Variants in HDAC4 observed in about 807,000 individuals in gnomAD.
HDAC4 encodes the protein histone deacetylase A.
A neutral mutation model predicts 135.1 loss-of-function variants in HDAC4; 16 were observed. That is an observed-to-expected ratio of 0.12 (90% confidence interval 0.08 to 0.18). HDAC4 has a LOEUF of 0.18. HDAC4 is among the 10% of genes least tolerant of loss of function. The pLI, the probability that HDAC4 is intolerant of heterozygous loss-of-function variation, is 1.00. For synonymous variants in HDAC4, 685 were observed against 653.4 expected (o/e 1.05, Z -0.74); for missense variants, 1,143 against 1,511.8 (o/e 0.76, Z 4.05).
At chr2:239,218,804 C>T (rs1313340172) in intron 3 of HDAC4, among the ~76,000 whole-genome samples, 45 of 145,554 alleles carry the variant, frequency 3.1e-4, no homozygotes, top group South Asian at 9.0e-4. Flanking sequence ...AAAAAGTGGG[C>T]GAAGGACATG....
rs1234733450 is a variant in HDAC4, at chr2:239,309,916, TG to T, written c.22+42761del. Among the ~76,000 whole-genome samples, 2 of 152,110 alleles carry T rather than the reference TG, an allele frequency of 1.3e-5. No individual in the cohort carries two copies. Among genetic ancestry groups the T allele is most frequent in the African/African-American group, 2.4e-5 (1 of 41,432 alleles). ...CCTCCCATGCTGCTGCCTGGTCCCA[TG>T]GGGCATGAAGGGAGGGTGGCCAGGG... is the stretch of plus-strand genomic sequence containing the variant. On this transcript the variant is annotated intron_variant, in intron 2 of 26. Transcript: ENST00000543185. This position sits in a 1 kb window ranked among gnomAD's most constrained non-coding sequence, Gnocchi z 4.2.
chr2:239,232,522 G>A (rs931306598), intron 3 of HDAC4, among the ~76,000 whole-genome samples: 1 of 151,344 alleles, frequency 6.6e-6, no homozygotes, highest in Non-Finnish European at 1.5e-5. Flanking sequence ...CTGCCTCGGT[G>A]TCAAGTCTCC....
rs369155098 is a variant in HDAC4 at position 239,087,526 on chromosome 2, C to T, written c.2444+33G>A. Reference sequence around the variant, plus strand: ...AAGGGAGGGAAGGAAGACCTGGGTTCCCCTGCTGTGCGGGGCTGCGGCGTG... The same window carrying T: ...AAGGGAGGGAAGGAAGACCTGGGTTTCCCTGCTGTGCGGGGCTGCGGCGTG... On this transcript the variant is annotated intron_variant, in intron 19 of 26. Transcript: ENST00000543185. 12 of 1,605,846 alleles carry T rather than the reference C, an allele frequency of 7.5e-6. No homozygotes were observed. The African/African-American group carries it at 1.6e-4, about 21-fold the overall frequency.
chr2:239,392,142 C>T (rs778411254), intron 1 of HDAC4, among the ~76,000 whole-genome samples: 36 of 152,334 alleles, frequency 2.4e-4, no homozygotes, highest in Non-Finnish European at 4.1e-4. Context: ...CGGATGGCAG[C>T]GGGCATGCAC....
At chr2:239,247,795 C>A (rs983820396) in intron 2 of HDAC4, among the ~76,000 whole-genome samples, 2 of 152,146 alleles carry the variant, frequency 1.3e-5, no homozygotes, top group African/African-American at 4.8e-5. Flanking sequence ...ATTAACTGCG[C>A]GGCTGGGAGC....
At chr2:239,295,231 C>T (rs965605376) in intron 2 of HDAC4, among the ~76,000 whole-genome samples, 8 of 141,618 alleles carry the variant, frequency 5.6e-5, no homozygotes, top group South Asian at 4.5e-4. Flanking sequence ...GGCGTGAACC[C>T]GGGAGGCGGA....
chr2:239,068,663 C>A lies in HDAC4; in HGVS notation c.2751-56G>T. Reference sequence around the variant, plus strand: ...TCAGCTGAAAGAGGGACGGGACGGTCACAAAACCCCAAGGTTCCCTCTGGC... The same window carrying A: ...TCAGCTGAAAGAGGGACGGGACGGTAACAAAACCCCAAGGTTCCCTCTGGC... On this transcript the variant is annotated intron_variant, in intron 22 of 26. Transcript: ENST00000543185. The surrounding 1 kb of genome is among the most constrained non-coding windows in gnomAD (Gnocchi z 4.4). 6.9e-7 allele frequency: 1 copy of A among 1,443,162 alleles called. No homozygotes were observed. Among genetic ancestry groups the A allele is most frequent in the South Asian group, 1.1e-5 (1 of 87,582 alleles). The allele number at this position is 1,443,162 out of a possible 1,614,324, so 89.4% of individuals were successfully genotyped here.
chr2:239,397,259 A>G (rs888468080), intron 1 of HDAC4, among the ~76,000 whole-genome samples: 5 of 152,220 alleles, frequency 3.3e-5, no homozygotes, highest in Non-Finnish European at 7.3e-5. Flanking sequence ...GGGGTGGCAC[A>G]TGGTCCATTT....
chr2:239,103,207 C>T (rs2152766868), intron 15 of HDAC4, among the ~76,000 whole-genome samples: 1 of 152,332 alleles, frequency 6.6e-6, no homozygotes, highest in South Asian at 2.1e-4. Flanking sequence ...TATTACTTTG[C>T]TTTCCAGCTG....
Position 239,068,650 on chromosome 2 carries a change from G to T in HDAC4, c.2751-43C>A. 6.6e-7 allele frequency: 1 copy of T among 1,520,286 alleles called. No homozygotes were observed. Among genetic ancestry groups the T allele is most frequent in the Non-Finnish European group, 9.1e-7 (1 of 1,095,106 alleles). The allele number at this position is 1,520,286 out of a possible 1,614,324, so 94.2% of individuals were successfully genotyped here. A position where few individuals can be genotyped will look rare whatever the true frequency, so the allele number is the denominator to read the frequency against. On this transcript the variant is annotated intron_variant, in intron 22 of 26. Transcript: ENST00000543185. The surrounding 1 kb of genome is among the most constrained non-coding windows in gnomAD (Gnocchi z 4.4). Reference sequence around the variant, plus strand: ...AGGCGTTACTGGGTCAGCTGAAAGAGGGACGGGACGGTCACAAAACCCCAA... The same window carrying T: ...AGGCGTTACTGGGTCAGCTGAAAGATGGACGGGACGGTCACAAAACCCCAA...
chr2:239,225,885 G>C (rs902499221), intron 3 of HDAC4, among the ~76,000 whole-genome samples: 1 of 152,194 alleles, frequency 6.6e-6, no homozygotes. Context: ...ATCTTGCTGT[G>C]AGGTCCAGAA....
intron 5 of HDAC4, among the ~76,000 whole-genome samples, chr2:239,164,300 A>G (rs1047296380): frequency 6.6e-6 from 1 of 152,238 alleles, no homozygotes; most frequent in Non-Finnish European, 1.5e-5. Flanking sequence ...TCTAAGAGAG[A>G]AGGCTTTGTG....
intron 1 of HDAC4, among the ~76,000 whole-genome samples, chr2:239,365,399 C>T (rs1305241575): frequency 6.6e-6 from 1 of 152,236 alleles, no homozygotes; most frequent in East Asian, 1.9e-4. Flanking sequence ...AATCCACAGG[C>T]TTATGCTGAA....
At chr2:239,155,790 C>T (rs986372203) in intron 7 of HDAC4, among the ~76,000 whole-genome samples, 2 of 152,160 alleles carry the variant, frequency 1.3e-5, no homozygotes, top group South Asian at 2.1e-4. Context: ...CTAGGGAGGA[C>T]GCCTTGGGAT....
At chr2:239,214,787 C>T (rs991001444) in intron 3 of HDAC4, among the ~76,000 whole-genome samples, 2 of 152,268 alleles carry the variant, frequency 1.3e-5, no homozygotes, top group African/African-American at 4.8e-5. Flanking sequence ...GACTGGGACC[C>T]TTCCCTCTGC....
chr2:239,114,428 G>A (rs1189716143), intron 13 of HDAC4, among the ~76,000 whole-genome samples: 4 of 152,210 alleles, frequency 2.6e-5, no homozygotes, highest in African/African-American at 9.6e-5. Flanking sequence ...CAGATACGGG[G>A]CTCCAGCTGG....
At chr2:239,247,342 G>A (rs139726487) in intron 2 of HDAC4, among the ~76,000 whole-genome samples, 15 of 152,348 alleles carry the variant, frequency 9.8e-5, no homozygotes, top group South Asian at 2.1e-4. Flanking sequence ...CGTAGAACCC[G>A]TGTGGGAGGC....
intron 20 of HDAC4, among the ~76,000 whole-genome samples, chr2:239,083,351 C>T (rs2035543144): frequency 6.6e-6 from 1 of 152,330 alleles, no homozygotes; most frequent in Non-Finnish European, 1.5e-5. Context: ...CTCGCAGGTC[C>T]TTGGGTGTGG....
At chr2:239,212,308 C>G (rs1304870973) in intron 3 of HDAC4, among the ~76,000 whole-genome samples, 1 of 152,084 alleles carries the variant, frequency 6.6e-6, no homozygotes, top group African/African-American at 2.4e-5. Flanking sequence ...TCCCTCTTGA[C>G]ATTTAAAGAA....
Sources: gnomAD v4.1 joint callset for allele counts (sites outside exome capture counted in the v4.1 genomes callset) on GRCh38, gnomAD v4.1.1 for gene constraint, Gnocchi (gnomAD v3.1) non-coding constraint, MANE v1.5 for transcripts, NCBI Gene and HGNC (gene_info 2026-07-23, HGNC 2026-07-21) for gene names.